The following A2ML1 variants were observed in gnomAD, a reference collection of about 807,000 sequenced individuals.
A2ML1 encodes the protein alpha-2-macroglobulin-like protein 1.
Under a neutral mutation model 181.9 loss-of-function variants are expected in A2ML1, and 161 were observed. The ratio of observed to expected loss-of-function variants is 0.89; its 90% confidence interval spans 0.78 to 1.01. The LOEUF is 1.01. Among genes scored for constraint, A2ML1 ranks in the 50% least tolerant of loss-of-function variants. The pLI, the probability that A2ML1 is intolerant of heterozygous loss-of-function variation, is 0.00. For missense variants in A2ML1, 1,670 were observed against 1,768.1 expected, an observed-to-expected ratio of 0.94 and a Z score of 1.00; for synonymous variants, 663 against 666.8, an observed-to-expected ratio of 0.99 and a Z score of 0.09.
chr12:8,844,386 G>A (rs1302264184), intron 12 of A2ML1, among the ~76,000 whole-genome samples: 1 of 151,986 alleles, frequency 6.6e-6, no homozygotes, highest in Non-Finnish European at 1.5e-5. Flanking sequence ...GCAGGCATGA[G>A]CCACCGAGCC....
At chr12:8,879,748 G>A (rs561968589), downstream of A2ML1, among the ~76,000 whole-genome samples, 145 of 152,206 alleles carry the variant, frequency 9.5e-4, 4 homozygotes, top group South Asian at 0.029. Context: ...TATCAACTAC[G>A]CTGAATAAAA....
chr12:8,856,898 C>CT (rs71891886), intron 23 of A2ML1, among the ~76,000 whole-genome samples: 1,448 of 124,906 alleles, frequency 0.012, 54 homozygotes, highest in African/African-American at 0.037. Context: ...ACAGTAGGTA[C>CT]TTTTTTTTTT....
intron 3 of A2ML1, among the ~76,000 whole-genome samples, chr12:8,828,967 C>T (rs1300733058): frequency 2.0e-5 from 3 of 152,228 alleles, no homozygotes; most frequent in African/African-American, 7.2e-5. Context: ...TCACTGTGCT[C>T]TCCCGCCCTC....
intron 12 of A2ML1, chr12:8,845,138 T>C (rs903341307): frequency 1.3e-6 from 2 of 1,485,088 alleles, no homozygotes; most frequent in South Asian, 2.6e-5. Flanking sequence ...AAAATAAAAT[T>C]TGGAGATCTT....
chr12:8,858,163 C>T, intron 26 of A2ML1, 61 bp downstream of exon 26: 1 of 1,553,326 alleles, frequency 6.4e-7, no homozygotes, highest in Non-Finnish European at 8.7e-7. Context: ...ACACCTCTGA[C>T]CGAGTAGAAG....
In A2ML1 at chr12:8,876,428, CT is replaced by C. The variant is rs1444561672; in HGVS notation, c.*375del. On this transcript the variant is annotated 3_prime_UTR_variant, in exon 36 of 36. Transcript: ENST00000299698. ...GTGGCTCACGCCTGTAATCCCAGCA[CT>C]TTGGGATTGCGAGGTGGGCGGATCA... The C allele has an allele frequency of 2.0e-5, 3 of 152,336 alleles. No homozygotes were observed. The highest frequency in any genetic ancestry group is 6.5e-5 in the Admixed American group (1 of 15,278). 9.4% of individuals were successfully genotyped at this position (152,336 alleles called of 1,614,324 possible). A position where few individuals can be genotyped will look rare whatever the true frequency, so the allele number is the denominator to read the frequency against.
intron 20 of A2ML1, 149 bp from the exon 21 acceptor site, chr12:8,853,979 A>C: frequency 9.6e-7 from 1 of 1,039,224 alleles, no homozygotes; most frequent in Non-Finnish European, 1.3e-6. Flanking sequence ...GAAATGCAGA[A>C]TATGGGCCCC....
chr12:8,852,371 CCAG>C lies in A2ML1; in HGVS notation c.2590+42_2590+44del. 1 of 1,612,272 alleles carries C rather than the reference CCAG, an allele frequency of 6.2e-7. No homozygotes were observed. The highest frequency in any genetic ancestry group is 8.5e-7 in the Non-Finnish European group (1 of 1,178,930). The stretch of plus-strand genomic sequence containing the variant: ...GGAAGTGGTAGACGGGCGAGGAAAG[CCAG>C]CAGCAGAAGACCAGTGACTGAGCAC... On this transcript the variant is annotated intron_variant, in intron 20 of 35. Transcript: ENST00000299698. The surrounding 1 kb of genome is among the most constrained non-coding windows in gnomAD (Gnocchi z 4.2).
chr12:8,875,609 T>C (rs1326941455), intron 35 of A2ML1: 1 of 151,632 alleles, frequency 6.6e-6, no homozygotes, highest in Non-Finnish European at 1.5e-5. Context: ...CTAATTTTTT[T>C]TGTATTTTTA....
intron 14 of A2ML1, among the ~76,000 whole-genome samples, chr12:8,847,344 C>T (rs1943726649): frequency 6.6e-6 from 1 of 151,822 alleles, no homozygotes; most frequent in Non-Finnish European, 1.5e-5. Context: ...TTTCTCTATC[C>T]TTCTACTGTG....
intron 34 of A2ML1, among the ~76,000 whole-genome samples, 171 bp downstream of exon 34, chr12:8,874,698 C>T (rs1367451328): frequency 1.3e-5 from 2 of 152,086 alleles, no homozygotes; most frequent in Non-Finnish European, 2.9e-5. Context: ...AGTTGTGTGC[C>T]ATTTTTAAGT....
At chr12:8,835,395 C>T in intron 5 of A2ML1, 112 bp from the exon 6 acceptor site, 2 of 1,331,678 alleles carry the variant, frequency 1.5e-6, no homozygotes, top group South Asian at 2.6e-5. Context: ...CCACAGGGGT[C>T]ATGAACAATG....
intron 35 of A2ML1, 132 bp from the exon 36 acceptor site, chr12:8,875,926 A>C (rs1364474779): frequency 1.3e-5 from 2 of 152,226 alleles, no homozygotes; most frequent in Admixed American, 1.3e-4. Flanking sequence ...AGATAACACT[A>C]TTAATAATCC....
At chr12:8,824,233 T>TTTG (rs1942851207) in intron 3 of A2ML1, among the ~76,000 whole-genome samples, 1 of 147,424 alleles carries the variant, frequency 6.8e-6, no homozygotes, top group African/African-American at 2.5e-5. Context: ...TTTTTTTTTT[T>TTTG]TTTTTTTTTT....
In A2ML1 at chr12:8,823,749, AG is replaced by A; in HGVS notation, c.277del (p.Val93TrpfsTer22). On this transcript the variant is annotated frameshift_variant, in exon 3 of 36. Transcript: ENST00000299698. LOFTEE classifies it high-confidence loss of function. ...CACCTCCTGCTGGTGGCACAGAAGA[AG>A]TGGCCACAATCCGGGTGTCGGGAGT... ...VPPPAGGTEEVATIRVSGVGN... is the reference protein window; with the variant it reads ...VPPPAGGTEEXATIRVSGVGN... 6.2e-7 allele frequency: 1 copy of A among 1,613,624 alleles called. No homozygotes were observed. The highest frequency in any genetic ancestry group is 8.5e-7 in the Non-Finnish European group (1 of 1,179,782).
chr12:8,885,990 G>A (rs910177778), intron 7 of A2ML1, among the ~76,000 whole-genome samples: 5 of 142,904 alleles, frequency 3.5e-5, no homozygotes, highest in Non-Finnish European at 6.0e-5. Flanking sequence ...TGTTTACTTC[G>A]CCTATCCTTC....
chr12:8,879,492 A>C (rs1944849024), downstream of A2ML1, among the ~76,000 whole-genome samples: 1 of 146,198 alleles, frequency 6.8e-6, no homozygotes, highest in Non-Finnish European at 1.5e-5. Context: ...CTTGGTGTCC[A>C]AAAAAAAAAA....
Position 8,846,076 on chromosome 12 carries a change from G to T in A2ML1, c.1538-1G>T, listed in dbSNP as rs1460973184. 3 of 1,613,912 alleles carry T rather than the reference G, an allele frequency of 1.9e-6. No individual in the cohort carries two copies. The highest frequency in any genetic ancestry group is 2.5e-6 in the Non-Finnish European group (3 of 1,179,990). ...CCTGTATATTCCCTCTTCTCTTTCA[G>T]GACTGAAAGCCTCCTTCTCTCTCTC... On this transcript the variant is annotated splice_acceptor_variant, in intron 13 of 35. Transcript: ENST00000299698. LOFTEE classifies it high-confidence loss of function.
chr12:8,883,483 CTCT>C lies in A2ML1; in HGVS notation c.*94+2869_*94+2871del, dbSNP rs1738453274. Reference sequence around the variant, plus strand: ...ATTTCCTTCTTCTTCTTCTCTCTCTCTCTTTTTTTTTGAGATGGAGTTTCACTC... The same window carrying C: ...ATTTCCTTCTTCTTCTTCTCTCTCTCTTTTTTTTGAGATGGAGTTTCACTC... On this transcript the variant is annotated intron_variant and NMD_transcript_variant, in intron 7 of 7. Transcript: ENST00000537475. 1.2e-4 allele frequency among the ~76,000 whole-genome samples: 18 copies of C among 152,032 alleles called. No individual in the cohort carries two copies. The South Asian group carries it at 3.5e-3, about 30-fold the overall frequency.
Sources: gnomAD v4.1 joint callset for allele counts (sites outside exome capture counted in the v4.1 genomes callset) on GRCh38, gnomAD v4.1.1 for gene constraint, Gnocchi (gnomAD v3.1) non-coding constraint, MANE v1.5 for transcripts, NCBI Gene and HGNC (gene_info 2026-07-23, HGNC 2026-07-21) for gene names.